Variants in CA8 observed in about 807,000 individuals in gnomAD.
The protein encoded by CA8 is carbonic anhydrase 8 (inactive).
Under a neutral mutation model 41.4 loss-of-function variants are expected in CA8, and 22 were observed. The ratio of observed to expected loss-of-function variants is 0.53; its 90% confidence interval spans 0.38 to 0.76. The LOEUF (loss-of-function observed/expected upper bound fraction) is 0.76, where lower values mean the gene tolerates loss of function less well. Ranked by LOEUF, CA8 falls within the 30% of genes least tolerant of loss-of-function variation. The probability of loss-of-function intolerance (pLI) is 0.00; values close to 1 mark genes in which losing one functional copy is unlikely to be tolerated. For synonymous variants in CA8, 121 were observed against 130.6 expected (o/e 0.93, Z 0.50); for missense variants, 270 against 352.8 (o/e 0.77, Z 1.88).
chr8:60,257,269 G>A (rs7463930), intron 3 of CA8, among the ~76,000 whole-genome samples: 76,949 of 151,900 alleles, frequency 0.51, 21,521 homozygotes, highest in African/African-American at 0.77. Context: ...TGAGCCACTG[G>A]CGCCCAATCC....
chr8:60,190,811 GA>G (rs999484818), intron 8 of CA8, among the ~76,000 whole-genome samples: 4 of 149,118 alleles, frequency 2.7e-5, no homozygotes, highest in Admixed American at 2.0e-4. Context: ...ATGTCCTTTG[GA>G]AAAAAAGAAA....
At chr8:60,249,526 T>G (rs891822104) in intron 3 of CA8, among the ~76,000 whole-genome samples, 2 of 152,336 alleles carry the variant, frequency 1.3e-5, no homozygotes, top group Middle Eastern at 3.4e-3. Context: ...CATTGTGTAT[T>G]TTCACTACAA....
At chr8:60,202,335 G>C (rs552375460) in intron 8 of CA8, among the ~76,000 whole-genome samples, 2 of 151,986 alleles carry the variant, frequency 1.3e-5, no homozygotes, top group African/African-American at 4.8e-5. Flanking sequence ...ACAGGCATGA[G>C]CCACCACGAC....
chr8:60,213,282 A>G (rs1253174428), intron 7 of CA8, among the ~76,000 whole-genome samples: 1 of 152,240 alleles, frequency 6.6e-6, no homozygotes, highest in African/African-American at 2.4e-5. Flanking sequence ...TCCCCAGCCT[A>G]AAGGAGCCTC....
At chr8:60,205,605 C>T (rs1563522981) in intron 8 of CA8, among the ~76,000 whole-genome samples, 1 of 152,106 alleles carries the variant, frequency 6.6e-6, no homozygotes, top group South Asian at 2.1e-4. Context: ...CAAAGAATTT[C>T]CAGCACCTGG....
intron 3 of CA8, among the ~76,000 whole-genome samples, chr8:60,244,092 T>C (rs1297526622): frequency 6.6e-6 from 1 of 152,184 alleles, no homozygotes; most frequent in Non-Finnish European, 1.5e-5. Flanking sequence ...TTGTCTTCAG[T>C]TCCCACCTCT....
At chr8:60,248,818 T>TCA (rs1000649123) in intron 3 of CA8, among the ~76,000 whole-genome samples, 5 of 152,130 alleles carry the variant, frequency 3.3e-5, no homozygotes, top group African/African-American at 1.2e-4. Context: ...GGGAATAGCA[T>TCA]TATATATATA....
intron 8 of CA8, among the ~76,000 whole-genome samples, chr8:60,203,988 T>C (rs573057780): frequency 1.3e-5 from 2 of 152,310 alleles, no homozygotes; most frequent in East Asian, 3.9e-4. Context: ...TGTTGGAACA[T>C]TTCCCCAATC....
intron 8 of CA8, among the ~76,000 whole-genome samples, chr8:60,190,432 A>AATATATATATATAT (rs57878452): frequency 8.1e-5 from 8 of 99,344 alleles, no homozygotes; most frequent in Admixed American, 1.1e-4. Context: ...ATAAATGCAG[A>AATATATATATATAT]ATATATATAT....
In CA8 at chr8:60,188,940, A is replaced by T. The variant is rs1313463615; in HGVS notation, c.*1081T>A. ...CATCACAAAATCCCTCCAAACTGGG[A>T]CTATGTTTTTGAAGTCATTCATTTT... On this transcript the variant is annotated 3_prime_UTR_variant, in exon 9 of 9. Coordinates refer to ENST00000317995, the MANE Select transcript of CA8 (RefSeq NM_004056.6). 6.6e-6 allele frequency: 1 copy of T among 152,160 alleles called. No individual in the cohort carries two copies. The highest frequency in any genetic ancestry group is 2.4e-5 in the African/African-American group (1 of 41,436). 9.4% of individuals were successfully genotyped at this position (152,160 alleles called of 1,614,324 possible).
chr8:60,275,981 C>T (rs930858138), intron 2 of CA8, among the ~76,000 whole-genome samples: 7 of 152,172 alleles, frequency 4.6e-5, no homozygotes, highest in Non-Finnish European at 7.3e-5. Flanking sequence ...CCCAGACTGC[C>T]GCTCCAGGCT....
At chr8:60,251,103 A>G (rs1239818667) in intron 3 of CA8, among the ~76,000 whole-genome samples, 1 of 152,230 alleles carries the variant, frequency 6.6e-6, no homozygotes, top group Non-Finnish European at 1.5e-5. Context: ...TAGATTAAGG[A>G]AAGTTTAGGT....
At chr8:60,192,972 CA>C (rs1205117251) in intron 8 of CA8, among the ~76,000 whole-genome samples, 17 of 151,160 alleles carry the variant, frequency 1.1e-4, no homozygotes, top group Non-Finnish European at 2.5e-4. Flanking sequence ...CACACACACA[CA>C]CACCCCACCC....
intron 3 of CA8, chr8:60,232,661 T>A (rs914882100): frequency 2.2e-6 from 1 of 455,368 alleles, no homozygotes; most frequent in East Asian, 4.3e-5. Context: ...TCACATTGAT[T>A]CAGTTATCTT....
At chr8:60,240,168 A>C (rs937008627) in intron 3 of CA8, among the ~76,000 whole-genome samples, 1 of 152,258 alleles carries the variant, frequency 6.6e-6, no homozygotes, top group Non-Finnish European at 1.5e-5. Context: ...TCTAGAAGAC[A>C]GTGTGGGCAT....
Position 60,189,796 on chromosome 8 carries a change from T to C in CA8, c.*225A>G, listed in dbSNP as rs549695611. The C allele has an allele frequency of 2.6e-5, 4 of 152,634 alleles. No homozygotes were observed. In the South Asian group the frequency reaches 8.3e-4, roughly 32 times the overall value. 9.5% of individuals were successfully genotyped at this position (152,634 alleles called of 1,614,324 possible). On this transcript the variant is annotated 3_prime_UTR_variant, in exon 9 of 9. Transcript: ENST00000317995. ...GCAGCAGTAATGTGGATATATAATA[T>C]AGGGTTTCTTTGGAATATACAGCCA...
At chr8:60,204,055 T>C (rs1230924242) in intron 8 of CA8, among the ~76,000 whole-genome samples, 2 of 152,192 alleles carry the variant, frequency 1.3e-5, no homozygotes, top group Admixed American at 6.5e-5. Flanking sequence ...TTTAATGCCT[T>C]AGTCTTCCTC....
chr8:60,215,180 G>A (rs1356500566), intron 7 of CA8, among the ~76,000 whole-genome samples: 1 of 152,070 alleles, frequency 6.6e-6, no homozygotes, highest in Non-Finnish European at 1.5e-5. Context: ...AATTTCTGTT[G>A]TTAGATTTGG....
chr8:60,271,144 AC>A (rs1434625774), intron 2 of CA8, among the ~76,000 whole-genome samples: 2 of 152,008 alleles, frequency 1.3e-5, no homozygotes, highest in African/African-American at 4.8e-5. Context: ...GGATTTCATG[AC>A]CAGCCTGGGT....
Sources: gnomAD v4.1 joint callset for allele counts (sites outside exome capture counted in the v4.1 genomes callset) on GRCh38, gnomAD v4.1.1 for gene constraint, MANE v1.5 for transcripts, NCBI Gene and HGNC (gene_info 2026-07-23, HGNC 2026-07-21) for gene names.